Variants in RUNX1 observed in about 807,000 individuals in gnomAD.
RUNX1 encodes the protein runt-related transcription factor 1.
Under a neutral mutation model 42.8 loss-of-function variants are expected in RUNX1, and 19 were observed. The ratio of observed to expected loss-of-function variants is 0.44; its 90% CI spans 0.31 to 0.65. The LOEUF (loss-of-function observed/expected upper bound fraction) is 0.65, where lower values mean the gene tolerates loss of function less well. Ranked by LOEUF, RUNX1 falls within the 30% of genes least tolerant of loss-of-function variation. RUNX1 has a pLI of 0.07. For missense variants in RUNX1, 528 were observed against 672.0 expected (o/e 0.79, Z 2.37); for synonymous variants, 271 against 289.4 (o/e 0.94, Z 0.64).
intron 2 of RUNX1, among the ~76,000 whole-genome samples, chr21:34,940,566 T>C (rs2058519074): frequency 6.6e-6 from 1 of 152,180 alleles, no homozygotes; most frequent in African/African-American, 2.4e-5. Context: ...CAGAGATGAA[T>C]TAAAAAGGAG....
At chr21:34,985,452 G>A (rs992167835) in intron 2 of RUNX1, among the ~76,000 whole-genome samples, 1 of 152,206 alleles carries the variant, frequency 6.6e-6, no homozygotes, top group Non-Finnish European at 1.5e-5. Flanking sequence ...AGGCAGGGAA[G>A]GAGTAGAAGC....
chr21:35,014,430 C>G (rs2834732), intron 2 of RUNX1, among the ~76,000 whole-genome samples: 1 of 152,082 alleles, frequency 6.6e-6, no homozygotes, highest in African/African-American at 2.4e-5. Context: ...AGTCCAGGAT[C>G]GATACTTAGT....
intron 2 of RUNX1, among the ~76,000 whole-genome samples, chr21:34,943,215 A>G (rs2146639883): frequency 6.6e-6 from 1 of 152,296 alleles, no homozygotes; most frequent in African/African-American, 2.4e-5. Context: ...GGGTTTTATG[A>G]CTGTGTTTTT....
intron 2 of RUNX1, among the ~76,000 whole-genome samples, chr21:34,912,405 C>T (rs1421173550): frequency 6.6e-6 from 1 of 151,990 alleles, no homozygotes; most frequent in South Asian, 2.1e-4. Flanking sequence ...GAGGTTGCTG[C>T]GGTCAACAAC....
intron 2 of RUNX1, among the ~76,000 whole-genome samples, chr21:35,032,358 T>C (rs906677437): frequency 6.6e-6 from 1 of 152,232 alleles, no homozygotes; most frequent in African/African-American, 2.4e-5. Context: ...TCTTCTGTTA[T>C]CCCACTAGTT....
chr21:34,956,271 G>A (rs1340438359), intron 2 of RUNX1, among the ~76,000 whole-genome samples: 3 of 152,118 alleles, frequency 2.0e-5, no homozygotes, highest in African/African-American at 7.2e-5. Flanking sequence ...CATAGCCCAA[G>A]CAGAAAGAAG....
At chr21:34,829,099 A>G (rs2057029322) in intron 7 of RUNX1, among the ~76,000 whole-genome samples, 1 of 152,200 alleles carries the variant, frequency 6.6e-6, no homozygotes, top group African/African-American at 2.4e-5. Context: ...TAACTTGCCA[A>G]AAGTCCTATA....
chr21:35,027,536 C>A (rs2059246253), intron 2 of RUNX1, among the ~76,000 whole-genome samples: 1 of 152,202 alleles, frequency 6.6e-6, no homozygotes, highest in Admixed American at 6.5e-5. Flanking sequence ...CCTGGTTTAA[C>A]TGGAGCCACC....
chr21:35,032,953 T>C (rs1053028834), intron 2 of RUNX1, among the ~76,000 whole-genome samples: 7 of 152,208 alleles, frequency 4.6e-5, no homozygotes, highest in Admixed American at 6.5e-5. Flanking sequence ...CCTCCATCCA[T>C]TGGTCCATCT....
intron 7 of RUNX1, among the ~76,000 whole-genome samples, chr21:34,804,582 C>T (rs2056653374): frequency 6.6e-6 from 1 of 152,044 alleles, no homozygotes. Flanking sequence ...AAAACACAGT[C>T]TGAAGAGATA....
At chr21:34,856,990 T>C (rs1177552647) in intron 6 of RUNX1, among the ~76,000 whole-genome samples, 2 of 152,212 alleles carry the variant, frequency 1.3e-5, no homozygotes, top group Admixed American at 1.3e-4. Context: ...AAATTAGCAG[T>C]GATGGCCCCT....
intron 2 of RUNX1, among the ~76,000 whole-genome samples, chr21:34,910,823 C>T (rs1374286239): frequency 6.6e-6 from 1 of 152,004 alleles, no homozygotes; most frequent in East Asian, 1.9e-4. Context: ...ACTCTGTTGC[C>T]CAGGCTGGAG....
At chr21:34,857,204 T>G (rs1413733757) in intron 6 of RUNX1, among the ~76,000 whole-genome samples, 1 of 152,224 alleles carries the variant, frequency 6.6e-6, no homozygotes, top group African/African-American at 2.4e-5. Flanking sequence ...GGGAAGACTG[T>G]GTAAAAATGG....
intron 7 of RUNX1, among the ~76,000 whole-genome samples, chr21:34,808,111 G>C (rs1423626477): frequency 1.3e-5 from 2 of 152,198 alleles, no homozygotes; most frequent in Non-Finnish European, 2.9e-5. Flanking sequence ...GAGTCAGTCA[G>C]CACCAGCTCT....
intron 2 of RUNX1, among the ~76,000 whole-genome samples, chr21:35,014,274 T>C (rs2059144520): frequency 6.6e-6 from 1 of 152,236 alleles, no homozygotes; most frequent in South Asian, 2.1e-4. Context: ...GTTTTCATGT[T>C]GCGTGCCATA....
chr21:34,939,895 C>T (rs993911064), intron 2 of RUNX1, among the ~76,000 whole-genome samples: 18 of 151,994 alleles, frequency 1.2e-4, no homozygotes, highest in African/African-American at 4.1e-4. Context: ...TTCAGGTTAG[C>T]CCAACGATTG....
chr21:34,962,944 GC>G (rs1055822346), intron 2 of RUNX1, among the ~76,000 whole-genome samples: 21 of 152,190 alleles, frequency 1.4e-4, no homozygotes, highest in Non-Finnish European at 2.5e-4. Context: ...ATCTAAGAGA[GC>G]CCCCAGCAAA....
intron 2 of RUNX1, among the ~76,000 whole-genome samples, chr21:34,974,660 C>T (rs1199982302): frequency 2.6e-5 from 4 of 152,206 alleles, no homozygotes; most frequent in Admixed American, 6.5e-5. Flanking sequence ...AACTCCTGCT[C>T]CTGCTCTCTG....
At chr21:34,859,615 T>G in intron 5 of RUNX1, 37 bp from the exon 6 acceptor site, 1 of 1,499,194 alleles carries the variant, frequency 6.7e-7, no homozygotes, top group East Asian at 2.3e-5. Flanking sequence ...CAGAATGAGG[T>G]TGGTGGCCTG....
Sources: allele counts gnomAD v4.1 joint callset (sites outside exome capture counted in the v4.1 genomes callset), GRCh38; gene constraint gnomAD v4.1.1; transcripts MANE v1.5; gene names NCBI Gene and HGNC (gene_info 2026-07-23, HGNC 2026-07-21).